ATG3: variants seen among roughly 807,000 people sequenced by gnomAD.
ATG3 encodes ubiquitin-like-conjugating enzyme ATG3.
ATG3 carries 25 observed loss-of-function variants against 50.7 expected under a neutral mutation model. That is an observed-to-expected ratio of 0.49 (90% confidence interval 0.36 to 0.69). The LOEUF (loss-of-function observed/expected upper bound fraction) is 0.69, where lower values mean the gene tolerates loss of function less well. ATG3 is among the 30% of genes least tolerant of loss of function. The probability of loss-of-function intolerance (pLI) is 0.00; values close to 1 mark genes in which losing one functional copy is unlikely to be tolerated. For synonymous variants in ATG3, 119 were observed against 125.5 expected, an observed-to-expected ratio of 0.95 and a Z score of 0.34; for missense variants, 281 against 376.0, an observed-to-expected ratio of 0.75 and a Z score of 2.09.
chr3:112,550,927 A>T (rs1337872886), intron 3 of ATG3, among the ~76,000 whole-genome samples: 1 of 152,264 alleles, frequency 6.6e-6, no homozygotes, highest in African/African-American at 2.4e-5. Flanking sequence ...TTTATAGTTA[A>T]GTAAACTAAA....
At chr3:112,545,300 G>A (rs186400657) in intron 5 of ATG3, among the ~76,000 whole-genome samples, 1 of 152,308 alleles carries the variant, frequency 6.6e-6, no homozygotes, top group East Asian at 1.9e-4. Context: ...TAAGAAGGTG[G>A]CAGCACCACC....
intron 7 of ATG3, among the ~76,000 whole-genome samples, chr3:112,540,014 C>T (rs1485026530): frequency 2.0e-5 from 3 of 152,156 alleles, no homozygotes; most frequent in African/African-American, 7.2e-5. Flanking sequence ...TTTCTGACAA[C>T]TATGAGACAT....
intron 3 of ATG3, among the ~76,000 whole-genome samples, chr3:112,550,559 C>T (rs1933500861): frequency 6.6e-6 from 1 of 152,116 alleles, no homozygotes. Context: ...TTATGTTTGC[C>T]TCTAAACAAC....
chr3:112,556,729 C>T (rs968115845), intron 2 of ATG3, among the ~76,000 whole-genome samples: 1 of 151,994 alleles, frequency 6.6e-6, no homozygotes, highest in East Asian at 1.9e-4. Flanking sequence ...ACCTTACCCC[C>T]AACCCTGTGC....
chr3:112,551,725 G>A (rs1193165542), intron 3 of ATG3, among the ~76,000 whole-genome samples: 3 of 151,964 alleles, frequency 2.0e-5, no homozygotes, highest in African/African-American at 7.3e-5. Flanking sequence ...GAATACTACT[G>A]TAAACCTCAT....
At chr3:112,560,581 GAAAA>G (rs534639165) in intron 1 of ATG3, among the ~76,000 whole-genome samples, 27 of 144,166 alleles carry the variant, frequency 1.9e-4, no homozygotes, top group Admixed American at 1.9e-3. Flanking sequence ...AAAACAACTA[GAAAA>G]AAAAAACAAA....
At chr3:112,539,599 GTATA>G (rs1205151062) in intron 7 of ATG3, among the ~76,000 whole-genome samples, 2 of 151,832 alleles carry the variant, frequency 1.3e-5, no homozygotes, top group African/African-American at 4.8e-5. Context: ...AACTAATACT[GTATA>G]TATTTTGCTT....
Position 112,544,109 on chromosome 3 carries a change from A to G in ATG3, c.344-3T>C. 1.3e-6 allele frequency: 2 copies of G among 1,597,576 alleles called. No individual in the cohort carries two copies. The highest frequency in any genetic ancestry group is 1.7e-6 in the Non-Finnish European group (2 of 1,165,680). On this transcript the variant is annotated splice_region_variant and splice_polypyrimidine_tract_variant and intron_variant, in intron 5 of 11. Coordinates refer to ENST00000283290, the MANE Select transcript of ATG3 (RefSeq NM_022488.5). ...GGCTTCCGTTATTCCTGTAATACCT[A>G]TGTAAAATTCGGCAGAAAAGAATAA...
chr3:112,543,170 CAA>C (rs1933279736), intron 6 of ATG3, among the ~76,000 whole-genome samples: 2 of 151,926 alleles, frequency 1.3e-5, no homozygotes, highest in Admixed American at 6.6e-5. Flanking sequence ...ACTGTTGTAG[CAA>C]AAGTGTCATA....
chr3:112,545,776 G>C (rs1933352311), intron 5 of ATG3, among the ~76,000 whole-genome samples: 1 of 152,180 alleles, frequency 6.6e-6, no homozygotes, highest in Admixed American at 6.5e-5. Context: ...ACTCTAATGA[G>C]AGTAATACTC....
intron 9 of ATG3, 192 bp from the exon 10 acceptor site, chr3:112,536,794 G>A (rs1252347470): frequency 6.9e-6 from 3 of 434,708 alleles, no homozygotes; most frequent in African/African-American, 6.1e-5. Flanking sequence ...GGTGGTGGGC[G>A]CCTGTGGTCC....
At chr3:112,543,266 A>T in intron 6 of ATG3, among the ~76,000 whole-genome samples, 1 of 152,108 alleles carries the variant, frequency 6.6e-6, no homozygotes. Context: ...ACAAGGGTGA[A>T]AGCATTTTAT....
At chr3:112,559,955 C>T (rs1204119958) in intron 1 of ATG3, among the ~76,000 whole-genome samples, 1 of 152,174 alleles carries the variant, frequency 6.6e-6, no homozygotes, top group African/African-American at 2.4e-5. Context: ...AAGCAGGAAA[C>T]TGTAAGGATT....
chr3:112,534,375 C>T (rs781190069), intron 10 of ATG3, 38 bp from the exon 11 acceptor site: 19 of 1,462,658 alleles, frequency 1.3e-5, no homozygotes, highest in Middle Eastern at 3.6e-4. Context: ...TAATGTAGAT[C>T]GATTAGACCG....
intron 7 of ATG3, among the ~76,000 whole-genome samples, chr3:112,540,490 A>G (rs1407106342): frequency 6.6e-6 from 1 of 152,190 alleles, no homozygotes; most frequent in Non-Finnish European, 1.5e-5. Context: ...ATTTACATAT[A>G]TAAATATATT....
intron 3 of ATG3, among the ~76,000 whole-genome samples, 177 bp downstream of exon 3, chr3:112,553,103 A>G (rs1933572954): frequency 6.6e-6 from 1 of 152,256 alleles, no homozygotes; most frequent in Non-Finnish European, 1.5e-5. Context: ...TAACATAGGT[A>G]TAACACCCAC....
At chr3:112,534,412 T>A (rs1932967141) in intron 10 of ATG3, 75 bp from the exon 11 acceptor site, 1 of 1,270,596 alleles carries the variant, frequency 7.9e-7, no homozygotes, top group African/African-American at 1.5e-5. Context: ...TTTTCATTTG[T>A]AAAGAAATCG....
rs1248268391 is a variant in ATG3 at position 112,561,757 on chromosome 3, C to G, written c.-229G>C. On this transcript the variant is annotated 5_prime_UTR_variant, in exon 1 of 12. Coordinates refer to ENST00000283290, the MANE Select transcript of ATG3 (RefSeq NM_022488.5). ...CGATCCTCGCACCCCAGGCAGCCCG[C>G]GACGGACCGGACCCAGCTGTCACCC... 1 of 530,944 alleles carries G rather than the reference C, an allele frequency of 1.9e-6. No individual in the cohort carries two copies. Among genetic ancestry groups the G allele is most frequent in the South Asian group, 2.3e-5 (1 of 44,188 alleles). The allele number at this position is 530,944 out of a possible 1,614,324, so 32.9% of individuals were successfully genotyped here.
chr3:112,555,997 A>G (rs914038345), intron 2 of ATG3, among the ~76,000 whole-genome samples: 3 of 152,258 alleles, frequency 2.0e-5, no homozygotes, highest in African/African-American at 7.2e-5. Flanking sequence ...AGGAAATAAA[A>G]CCAAAGAGTG....
Sources: allele counts gnomAD v4.1 joint callset (sites outside exome capture counted in the v4.1 genomes callset), GRCh38; gene constraint gnomAD v4.1.1; transcripts MANE v1.5; gene names NCBI Gene and HGNC (gene_info 2026-07-23, HGNC 2026-07-21).